The following NRXN1 variants were observed in gnomAD, a reference collection of about 807,000 sequenced individuals.
NRXN1 encodes the protein neurexin 1.
A neutral mutation model predicts 150.9 loss-of-function variants in NRXN1; 39 were observed. The observed-to-expected ratio is 0.26, with a 90% confidence interval of 0.20 to 0.34. The LOEUF (loss-of-function observed/expected upper bound fraction) is 0.34, where lower values mean the gene tolerates loss of function less well. NRXN1 is among the 10% of genes least tolerant of loss of function. The pLI, the probability that NRXN1 is intolerant of heterozygous loss-of-function variation, is 1.00. For missense variants in NRXN1, 1,815 were observed against 1,949.9 expected (o/e 0.93, Z 1.30); for synonymous variants, 924 against 757.0 (o/e 1.22, Z -3.62).
At chr2:50,222,854 A>G (rs972254169) in intron 18 of NRXN1, among the ~76,000 whole-genome samples, 3 of 151,956 alleles carry the variant, frequency 2.0e-5, no homozygotes, top group African/African-American at 7.2e-5. Context: ...CAAAAAAGAA[A>G]TTGAATGTAT....
chr2:49,969,989 A>C (rs552726752), intron 21 of NRXN1: 39 of 152,230 alleles, frequency 2.6e-4, no homozygotes, highest in African/African-American at 9.1e-4. Context: ...CAAAGGTGAG[A>C]GCACAAAGAC....
intron 5 of NRXN1, among the ~76,000 whole-genome samples, chr2:50,902,756 G>C (rs1683132894): frequency 6.6e-6 from 1 of 151,956 alleles, no homozygotes; most frequent in African/African-American, 2.4e-5. Flanking sequence ...TTTTTATCTT[G>C]GTTATTTTTT....
chr2:50,361,612 C>G (rs1440503549), intron 17 of NRXN1, among the ~76,000 whole-genome samples: 1 of 151,678 alleles, frequency 6.6e-6, no homozygotes, highest in African/African-American at 2.4e-5. Context: ...GAAATTGAGG[C>G]AGTAATTTAA....
At chr2:50,790,863 C>T (rs770613365) in intron 5 of NRXN1, among the ~76,000 whole-genome samples, 25 of 151,956 alleles carry the variant, frequency 1.6e-4, no homozygotes, top group Non-Finnish European at 3.2e-4. Context: ...GTATTTTGAC[C>T]GCAACTCATC....
chr2:50,057,743 C>T (rs1018739264), intron 19 of NRXN1, among the ~76,000 whole-genome samples: 3 of 152,124 alleles, frequency 2.0e-5, no homozygotes, highest in African/African-American at 7.2e-5. Flanking sequence ...AACCTAACAA[C>T]ATTAAAAAGA....
intron 17 of NRXN1, among the ~76,000 whole-genome samples, chr2:50,337,123 G>A (rs1259795559): frequency 2.0e-4 from 24 of 118,718 alleles, no homozygotes; most frequent in African/African-American, 7.8e-4. Flanking sequence ...AGCTCTTGTT[G>A]CCCAGGCTGG....
chr2:50,862,285 G>A lies in NRXN1; in HGVS notation c.832+59584C>T, dbSNP rs189749854. On this transcript the variant is annotated intron_variant, in intron 5 of 22. Coordinates refer to ENST00000401669, the MANE Select transcript of NRXN1 (RefSeq NM_001330078.2). ...AAGCTAAGCTTTGCAAGAAACCTTG[G>A]ACCATTTTTATTCAGTGGTATCATA... 2.5e-3 allele frequency among the ~76,000 whole-genome samples: 376 copies of A among 151,954 alleles called. 1 individual carries two copies. Among genetic ancestry groups the A allele is most frequent in the African/African-American group, 8.5e-3 (354 of 41,466 alleles).
intron 5 of NRXN1, among the ~76,000 whole-genome samples, chr2:50,754,807 C>T (rs1027149503): frequency 1.3e-5 from 2 of 151,840 alleles, no homozygotes; most frequent in African/African-American, 4.8e-5. Context: ...CAGAGCAATG[C>T]TCATTAAAAA....
chr2:50,512,369 T>A (rs968360144), intron 12 of NRXN1, among the ~76,000 whole-genome samples: 3 of 152,204 alleles, frequency 2.0e-5, no homozygotes, highest in African/African-American at 7.2e-5. Flanking sequence ...TTATTTTATA[T>A]AGTCAAATTT....
In NRXN1 at chr2:50,783,361, C is replaced by T. The variant is rs1169535714; in HGVS notation, c.832+138508G>A. On this transcript the variant is annotated intron_variant, in intron 5 of 22. Transcript: ENST00000401669. ...TTAAATTGTGGGTGTAGCTGATATT[C>T]TTGGTTACCTGGGGATCCTTCTGCT... Among the ~76,000 whole-genome samples the T allele has an allele frequency of 2.0e-5, 3 of 152,050 alleles. No individual in the cohort carries two copies. In the East Asian group the frequency reaches 5.8e-4, roughly 29 times the overall value.
chr2:50,839,179 T>G (rs1271864668), intron 5 of NRXN1, among the ~76,000 whole-genome samples: 1 of 152,154 alleles, frequency 6.6e-6, no homozygotes, highest in Admixed American at 6.6e-5. Flanking sequence ...CTCTGCCCTT[T>G]TGATTTTTTT....
intron 17 of NRXN1, among the ~76,000 whole-genome samples, chr2:50,354,556 T>TAG (rs1474543644): frequency 2.4e-5 from 2 of 81,884 alleles, no homozygotes; most frequent in Non-Finnish European, 2.2e-5. Context: ...AGTGCATACA[T>TAG]ATATATATAT....
intron 5 of NRXN1, among the ~76,000 whole-genome samples, chr2:50,732,620 TA>T (rs1698241151): frequency 6.6e-6 from 1 of 152,154 alleles, no homozygotes; most frequent in Admixed American, 6.6e-5. Context: ...AGCTTTAAAG[TA>T]AAATAGAGCA....
chr2:50,445,240 G>A (rs1004059012), intron 17 of NRXN1, among the ~76,000 whole-genome samples: 2 of 152,132 alleles, frequency 1.3e-5, no homozygotes, highest in Admixed American at 1.3e-4. Flanking sequence ...TATCAGGAAG[G>A]AAAATAAATT....
chr2:50,519,055 C>A (rs968653796), intron 12 of NRXN1, among the ~76,000 whole-genome samples: 1 of 151,838 alleles, frequency 6.6e-6, no homozygotes, highest in Non-Finnish European at 1.5e-5. Context: ...AAAACAAATT[C>A]TAAGAAATGT....
At chr2:50,464,226 G>T (rs11690397) in intron 17 of NRXN1, among the ~76,000 whole-genome samples, 73,901 of 151,432 alleles carry the variant, frequency 0.49, 19,011 homozygotes, top group African/African-American at 0.64. Context: ...CTATGGGAGA[G>T]GAAACTAGTA....
At chr2:50,215,505 TA>T (rs2152849476) in intron 18 of NRXN1, among the ~76,000 whole-genome samples, 2 of 152,022 alleles carry the variant, frequency 1.3e-5, no homozygotes, top group Middle Eastern at 6.8e-3. Flanking sequence ...AAAAATACAG[TA>T]AAAAAGTAAT....
At chr2:50,512,608 G>T (rs1269750820) in intron 12 of NRXN1, among the ~76,000 whole-genome samples, 1 of 152,136 alleles carries the variant, frequency 6.6e-6, no homozygotes, top group African/African-American at 2.4e-5. Context: ...TAGTTGCCTT[G>T]CCTCTGTCTT....
At chr2:50,992,573 G>A (rs773154963) in intron 2 of NRXN1, among the ~76,000 whole-genome samples, 3 of 152,064 alleles carry the variant, frequency 2.0e-5, no homozygotes, top group Non-Finnish European at 4.4e-5. Context: ...TAAGCTGTTG[G>A]CAGGACCTGA....
Sources: gnomAD v4.1 joint callset for allele counts (sites outside exome capture counted in the v4.1 genomes callset) on GRCh38, gnomAD v4.1.1 for gene constraint, MANE v1.5 for transcripts, NCBI Gene and HGNC (gene_info 2026-07-23, HGNC 2026-07-21) for gene names.